The following SIPA1L1 variants were observed in gnomAD, a reference collection of about 807,000 sequenced individuals.
SIPA1L1 encodes the protein signal induced proliferation associated 1 like 1.
SIPA1L1 carries 26 observed loss-of-function variants against 162.7 expected under a neutral mutation model. The observed-to-expected ratio is 0.16, with a 90% confidence interval of 0.12 to 0.22. The LOEUF (loss-of-function observed/expected upper bound fraction) is 0.22. Among genes scored for constraint, SIPA1L1 ranks in the 10% least tolerant of loss-of-function variants. The pLI, the probability that SIPA1L1 is intolerant of heterozygous loss-of-function variation, is 1.00. For missense variants in SIPA1L1, 1,874 were observed against 2,241.0 expected, an observed-to-expected ratio of 0.84 and a Z score of 3.31; for synonymous variants, 829 against 837.4, an observed-to-expected ratio of 0.99 and a Z score of 0.17.
intron 2 of SIPA1L1, among the ~76,000 whole-genome samples, chr14:71,350,793 G>A (rs559704429): frequency 6.6e-6 from 1 of 152,260 alleles, no homozygotes; most frequent in East Asian, 1.9e-4. Context: ...TAGGTTATTA[G>A]TTAGGGGAAT....
intron 2 of SIPA1L1, among the ~76,000 whole-genome samples, chr14:71,433,095 C>T (rs1192628720): frequency 6.6e-6 from 1 of 152,106 alleles, no homozygotes; most frequent in Non-Finnish European, 1.5e-5. Flanking sequence ...TTACAGAGAT[C>T]AGGTGGTTTG....
At position 71,729,945 on chromosome 14, in the gene SIPA1L1, C is replaced by CTA; in HGVS notation, c.4615-109_4615-108dup. The CTA allele has an allele frequency of 3.4e-6, 4 of 1,185,028 alleles. No individual in the cohort carries two copies. In the South Asian group the frequency reaches 5.8e-5, roughly 17 times the overall value. The allele number at this position is 1,185,028 out of a possible 1,614,324, so 73.4% of individuals were successfully genotyped here. Reference sequence around the variant, plus strand: ...GACAATGAGCCCTGAAGCTTCCTTGCTAGGGGTGTGTCTGGAGCAGTAACT... The same window carrying CTA: ...GACAATGAGCCCTGAAGCTTCCTTGCTATAGGGGTGTGTCTGGAGCAGTAACT... On this transcript the variant is annotated intron_variant, in intron 19 of 23. Coordinates refer to ENST00000381232, the MANE Select transcript of SIPA1L1 (RefSeq NM_001386936.1).
At chr14:71,634,490 G>T (rs989612201) in intron 7 of SIPA1L1, among the ~76,000 whole-genome samples, 1 of 151,356 alleles carries the variant, frequency 6.6e-6, no homozygotes, top group African/African-American at 2.4e-5. Context: ...AGGCCAGAAG[G>T]AAGTGGCATG....
chr14:71,456,305 A>G (rs1301492387), intron 2 of SIPA1L1, among the ~76,000 whole-genome samples: 1 of 152,232 alleles, frequency 6.6e-6, no homozygotes, highest in Non-Finnish European at 1.5e-5. Flanking sequence ...CATTCATGAT[A>G]TGCTTAGATT....
chr14:71,509,529 G>A (rs1430898964), intron 2 of SIPA1L1, among the ~76,000 whole-genome samples: 2 of 152,088 alleles, frequency 1.3e-5, no homozygotes, highest in Non-Finnish European at 2.9e-5. Context: ...GATTGCTTGA[G>A]GTCAGGAGTT....
chr14:71,399,135 C>T (rs538261721), intron 2 of SIPA1L1, among the ~76,000 whole-genome samples: 1 of 151,570 alleles, frequency 6.6e-6, no homozygotes, highest in African/African-American at 2.4e-5. Context: ...CACTATGATG[C>T]TCATAACATG....
intron 22 of SIPA1L1, 45 bp downstream of exon 22, chr14:71,735,436 C>G (rs1324958360): frequency 2.4e-6 from 3 of 1,268,994 alleles, no homozygotes; most frequent in Admixed American, 1.7e-5. Flanking sequence ...TGTGTCACAT[C>G]TGCCACTGAC....
At chr14:71,462,211 G>T (rs1020253876) in intron 2 of SIPA1L1, among the ~76,000 whole-genome samples, 12 of 152,194 alleles carry the variant, frequency 7.9e-5, no homozygotes, top group African/African-American at 2.9e-4. Flanking sequence ...CTCTCAAAAG[G>T]AGAGTAGTTA....
intron 2 of SIPA1L1, among the ~76,000 whole-genome samples, chr14:71,387,404 A>T (rs1383411046): frequency 2.0e-5 from 3 of 152,140 alleles, no homozygotes; most frequent in Non-Finnish European, 4.4e-5. Flanking sequence ...TGAGCACAGG[A>T]GTTCAAGGCT....
At chr14:71,698,012 C>T (rs1228003287) in intron 13 of SIPA1L1, among the ~76,000 whole-genome samples, 1 of 152,042 alleles carries the variant, frequency 6.6e-6, no homozygotes, top group Non-Finnish European at 1.5e-5. Context: ...GGCTTAGAGT[C>T]TAGAGACCTG....
At chr14:71,505,054 C>T (rs1231914558) in intron 2 of SIPA1L1, among the ~76,000 whole-genome samples, 1 of 152,154 alleles carries the variant, frequency 6.6e-6, no homozygotes, top group African/African-American at 2.4e-5. Context: ...AGTTTTCATT[C>T]TCCTTTGCAT....
rs2036280905 is a variant in SIPA1L1 at position 71,347,417 on chromosome 14, T to A, written c.-465+26236T>A. Among the ~76,000 whole-genome samples, 5 of 152,234 alleles carry A rather than the reference T, an allele frequency of 3.3e-5. No individual in the cohort carries two copies. In the South Asian group the frequency reaches 1.0e-3, roughly 31 times the overall value. On this transcript the variant is annotated intron_variant, in intron 2 of 23. Coordinates refer to ENST00000381232, the MANE Select transcript of SIPA1L1 (RefSeq NM_001386936.1). ...TCATCAGTTGATGGACACTTGGGTT[T>A]TTCTACTTTTTGGCTATTAAGAATA...
intron 2 of SIPA1L1, among the ~76,000 whole-genome samples, chr14:71,454,140 A>G (rs2046025042): frequency 6.6e-6 from 1 of 151,976 alleles, no homozygotes; most frequent in Non-Finnish European, 1.5e-5. Context: ...ATTGTCATCC[A>G]TGTTTTCTTA....
At chr14:71,732,636 C>T (rs2150360571) in intron 20 of SIPA1L1, among the ~76,000 whole-genome samples, 1 of 152,284 alleles carries the variant, frequency 6.6e-6, no homozygotes, top group East Asian at 1.9e-4. Flanking sequence ...CAAAATGTCC[C>T]CTTAGGAAGA....
chr14:71,586,782 G>A (rs2034665140), intron 4 of SIPA1L1: 1 of 152,190 alleles, frequency 6.6e-6, no homozygotes, highest in Non-Finnish European at 1.5e-5. Flanking sequence ...GCACTGATGG[G>A]GTGGAGTAGG....
chr14:71,604,345 GT>G (rs2037225920), intron 5 of SIPA1L1, among the ~76,000 whole-genome samples: 1 of 151,938 alleles, frequency 6.6e-6, no homozygotes, highest in Non-Finnish European at 1.5e-5. Context: ...GTCTCACTAT[GT>G]TGCCCAAGCT....
chr14:71,446,250 A>T (rs143719249), intron 2 of SIPA1L1, among the ~76,000 whole-genome samples: 2 of 152,192 alleles, frequency 1.3e-5, no homozygotes, highest in African/African-American at 4.8e-5. Flanking sequence ...AAAAGAAACC[A>T]TGCTCATTTG....
At chr14:71,552,747 A>G (rs1266847897) in intron 4 of SIPA1L1, among the ~76,000 whole-genome samples, 1 of 152,066 alleles carries the variant, frequency 6.6e-6, no homozygotes, top group East Asian at 1.9e-4. Flanking sequence ...TATCCTTAGT[A>G]TGAAAGTTCA....
At chr14:71,455,520 T>G (rs1293780356) in intron 2 of SIPA1L1, among the ~76,000 whole-genome samples, 1 of 152,178 alleles carries the variant, frequency 6.6e-6, no homozygotes, top group Non-Finnish European at 1.5e-5. Flanking sequence ...TAAATTTGAT[T>G]ATCTTAGGTT....
Sources: allele counts gnomAD v4.1 joint callset (sites outside exome capture counted in the v4.1 genomes callset), GRCh38; gene constraint gnomAD v4.1.1; transcripts MANE v1.5; gene names NCBI Gene and HGNC (gene_info 2026-07-23, HGNC 2026-07-21).